ARSB: variants seen among roughly 807,000 people sequenced by gnomAD.
The protein encoded by ARSB is N-acetylgalactosamine-4-sulfatase.
Under a neutral mutation model 50.9 loss-of-function variants are expected in ARSB, and 41 were observed. The ratio of observed to expected loss-of-function variants is 0.81; its 90% CI spans 0.63 to 1.04. The LOEUF is 1.04. ARSB is among the 50% of genes least tolerant of loss of function. The probability of loss-of-function intolerance (pLI) is 0.00; values close to 1 mark genes in which losing one functional copy is unlikely to be tolerated. For missense variants in ARSB, 672 were observed against 693.3 expected (o/e 0.97, Z 0.35); for synonymous variants, 269 against 284.8 (o/e 0.94, Z 0.56).
intron 2 of ARSB, among the ~76,000 whole-genome samples, chr5:78,967,648 G>A (rs1372482382): frequency 6.6e-6 from 1 of 150,734 alleles, no homozygotes; most frequent in Non-Finnish European, 1.5e-5. Context: ...ACTCCAGCCT[G>A]GGCAACAGAG....
At chr5:78,856,913 T>C (rs1251889986) in intron 5 of ARSB, among the ~76,000 whole-genome samples, 1 of 152,200 alleles carries the variant, frequency 6.6e-6, no homozygotes, top group Non-Finnish European at 1.5e-5. Context: ...AGCAAAGCCT[T>C]TCAGGGTGTG....
intron 4 of ARSB, among the ~76,000 whole-genome samples, chr5:78,898,661 C>G (rs536013612): frequency 6.6e-6 from 1 of 152,328 alleles, no homozygotes; most frequent in South Asian, 2.1e-4. Context: ...CTGTACAAGT[C>G]TGATGCAGGT....
chr5:78,798,989 C>A (rs59754503), intron 6 of ARSB, among the ~76,000 whole-genome samples: 11,117 of 152,234 alleles, frequency 0.073, 613 homozygotes, highest in African/African-American at 0.14. Context: ...CAACTCTTTC[C>A]AGCCTCCTCT....
chr5:78,791,410 G>T (rs1205215963), intron 6 of ARSB, among the ~76,000 whole-genome samples: 3 of 152,166 alleles, frequency 2.0e-5, no homozygotes, highest in Non-Finnish European at 4.4e-5. Flanking sequence ...CATCTGATTG[G>T]CTGACCACTT....
At chr5:78,833,861 T>C (rs1744804742) in intron 6 of ARSB, among the ~76,000 whole-genome samples, 1 of 152,212 alleles carries the variant, frequency 6.6e-6, no homozygotes, top group Admixed American at 6.5e-5. Flanking sequence ...GGTGGGCACT[T>C]AGAAGCTGAA....
In ARSB at chr5:78,959,189, T is replaced by C. The variant is rs575376128; in HGVS notation, c.691-3687A>G. Among the ~76,000 whole-genome samples, 52 of 152,284 alleles carry C rather than the reference T, an allele frequency of 3.4e-4. No homozygotes were observed. The South Asian group carries it at 0.011, about 31-fold the overall frequency. On this transcript the variant is annotated intron_variant, in intron 3 of 7. Transcript: ENST00000264914. ...GGTTTTATAAGGCGCTTTTCCCCCT[T>C]TGCTTGGCACTTCTCTCTCCTGCTG...
At chr5:78,832,594 T>A (rs1490792022) in intron 6 of ARSB, among the ~76,000 whole-genome samples, 2 of 152,142 alleles carry the variant, frequency 1.3e-5, no homozygotes, top group African/African-American at 4.8e-5. Flanking sequence ...CATTCCAACC[T>A]GGACGACTCT....
At chr5:78,823,344 G>C (rs2112679394) in intron 6 of ARSB, among the ~76,000 whole-genome samples, 1 of 152,280 alleles carries the variant, frequency 6.6e-6, no homozygotes, top group Non-Finnish European at 1.5e-5. Flanking sequence ...AAATCTCTCA[G>C]CCATTTAAGA....
intron 5 of ARSB, among the ~76,000 whole-genome samples, chr5:78,846,932 C>T (rs1745471245): frequency 1.3e-5 from 2 of 152,202 alleles, no homozygotes; most frequent in South Asian, 4.1e-4. Context: ...CCTTCTATAA[C>T]TAATTAGTTG....
intron 6 of ARSB, among the ~76,000 whole-genome samples, chr5:78,825,455 T>C (rs1744396733): frequency 1.3e-5 from 2 of 152,254 alleles, no homozygotes; most frequent in South Asian, 4.1e-4. Context: ...TTTGAAAATA[T>C]GATTACAATT....
intron 4 of ARSB, among the ~76,000 whole-genome samples, chr5:78,941,765 T>C (rs374493950): frequency 3.4e-4 from 52 of 151,824 alleles, no homozygotes; most frequent in African/African-American, 1.2e-3. Flanking sequence ...TGTCTCTGCC[T>C]GGCTTTGGTA....
rs184331352 is a variant in ARSB at position 78,866,014 on chromosome 5, C to T, written c.1142+19570G>A. Among the ~76,000 whole-genome samples the T allele has an allele frequency of 1.5e-3, 232 of 152,300 alleles. 1 individual carries two copies. Among genetic ancestry groups the T allele is most frequent in the African/African-American group, 5.1e-3 (214 of 41,562 alleles). Reference sequence around the variant, plus strand: ...CACATTTTCCTGTCTTCTTCTGAGCCCTCCAAACTGTTCCAACCTCTGCCT... The same window carrying T: ...CACATTTTCCTGTCTTCTTCTGAGCTCTCCAAACTGTTCCAACCTCTGCCT... On this transcript the variant is annotated intron_variant, in intron 5 of 7. Coordinates refer to ENST00000264914, the MANE Select transcript of ARSB (RefSeq NM_000046.5).
chr5:78,902,888 T>C (rs1204049560), intron 4 of ARSB, among the ~76,000 whole-genome samples: 1 of 152,194 alleles, frequency 6.6e-6, no homozygotes, highest in Non-Finnish European at 1.5e-5. Flanking sequence ...ACCAGTGAAC[T>C]GTATACTTTA....
chr5:78,902,892 T>C (rs1748869721), intron 4 of ARSB, among the ~76,000 whole-genome samples: 1 of 152,174 alleles, frequency 6.6e-6, no homozygotes, highest in African/African-American at 2.4e-5. Flanking sequence ...GTGAACTGTA[T>C]ACTTTAAAAG....
intron 1 of ARSB, among the ~76,000 whole-genome samples, chr5:78,983,829 T>G (rs1484672583): frequency 6.6e-6 from 1 of 152,208 alleles, no homozygotes; most frequent in Non-Finnish European, 1.5e-5. Context: ...TGACAGGTTA[T>G]GCGAACACAC....
intron 1 of ARSB, among the ~76,000 whole-genome samples, chr5:78,975,038 G>C (rs919584026): frequency 1.2e-4 from 18 of 152,180 alleles, no homozygotes; most frequent in African/African-American, 4.1e-4. Context: ...GCCTTTGCCA[G>C]GGGATCCTAG....
At chr5:78,913,192 T>C (rs1191574555) in intron 4 of ARSB, among the ~76,000 whole-genome samples, 1 of 151,548 alleles carries the variant, frequency 6.6e-6, no homozygotes. Flanking sequence ...TGGCGCGATC[T>C]CCGCTCACTG....
chr5:78,958,786 T>C (rs1395874696), intron 3 of ARSB, among the ~76,000 whole-genome samples: 1 of 152,202 alleles, frequency 6.6e-6, no homozygotes, highest in Admixed American at 6.5e-5. Flanking sequence ...ATCTTTGTTA[T>C]AGATTAACCA....
intron 5 of ARSB, chr5:78,883,734 T>G (rs1338400238): frequency 1.3e-5 from 2 of 152,180 alleles, no homozygotes; most frequent in African/African-American, 4.8e-5. Context: ...GAGGAACCCA[T>G]AGACTCCACG....
Sources: allele counts gnomAD v4.1 joint callset (sites outside exome capture counted in the v4.1 genomes callset), GRCh38; gene constraint gnomAD v4.1.1; transcripts MANE v1.5; gene names NCBI Gene and HGNC (gene_info 2026-07-23, HGNC 2026-07-21).